Variants in MCUB observed in about 807,000 individuals in gnomAD.
MCUB encodes the protein mitochondrial calcium uniporter dominant negative subunit beta, also known as calcium uniporter regulatory subunit MCUb, mitochondrial.
Under a neutral mutation model 41.4 loss-of-function variants are expected in MCUB, and 46 were observed. That is an observed-to-expected ratio of 1.11 (90% CI 0.88 to 1.42). The LOEUF is 1.42. MCUB is among the 40% of genes most tolerant of loss of function. The pLI, the probability that MCUB is intolerant of heterozygous loss-of-function variation, is 0.00. For synonymous variants in MCUB, 148 were observed against 148.2 expected (o/e 1.00, Z 0.01); for missense variants, 403 against 404.9 (o/e 1.00, Z 0.04).
intron 1 of MCUB, among the ~76,000 whole-genome samples, chr4:109,649,143 C>G (rs1455446001): frequency 6.6e-6 from 1 of 151,798 alleles, no homozygotes; most frequent in Non-Finnish European, 1.5e-5. Context: ...GTTATAAATC[C>G]AACAACTTCT....
At chr4:109,675,156 C>T (rs1413389251) in intron 4 of MCUB, among the ~76,000 whole-genome samples, 1 of 152,144 alleles carries the variant, frequency 6.6e-6, no homozygotes, top group East Asian at 1.9e-4. Flanking sequence ...TAGGAAATGC[C>T]ACAGACAAAT....
At chr4:109,606,360 T>G (rs777176776) in intron 1 of MCUB, among the ~76,000 whole-genome samples, 14 of 152,166 alleles carry the variant, frequency 9.2e-5, no homozygotes, top group Admixed American at 2.0e-4. Flanking sequence ...AATGTTATTA[T>G]TGATAAGTAA....
intron 4 of MCUB, among the ~76,000 whole-genome samples, chr4:109,678,733 C>G (rs1349992599): frequency 1.4e-5 from 2 of 148,116 alleles, no homozygotes; most frequent in Non-Finnish European, 3.0e-5. Flanking sequence ...AGGCGCTCCC[C>G]ACATCCCAGA....
chr4:109,574,953 G>A (rs1726994488), intron 1 of MCUB, among the ~76,000 whole-genome samples: 1 of 152,208 alleles, frequency 6.6e-6, no homozygotes, highest in Non-Finnish European at 1.5e-5. Context: ...CTTAACAATT[G>A]CATGAGAAGT....
At chr4:109,643,004 A>G (rs551940825) in intron 1 of MCUB, among the ~76,000 whole-genome samples, 5 of 148,368 alleles carry the variant, frequency 3.4e-5, no homozygotes, top group African/African-American at 1.2e-4. Flanking sequence ...TGTGTTGGCC[A>G]GGCTTGTCTC....
At chr4:109,640,555 C>T (rs1728693173) in intron 1 of MCUB, among the ~76,000 whole-genome samples, 1 of 152,224 alleles carries the variant, frequency 6.6e-6, no homozygotes, top group South Asian at 2.1e-4. Context: ...TCACCTTGCA[C>T]TTTTATGTTA....
intron 2 of MCUB, 60 bp from the exon 3 acceptor site, chr4:109,660,135 T>C (rs1211702184): frequency 2.4e-6 from 2 of 827,398 alleles, no homozygotes; most frequent in Non-Finnish European, 1.9e-6. Flanking sequence ...AGAATTCTTG[T>C]ATTTATGGTT....
chr4:109,635,653 C>T (rs1728572986), intron 1 of MCUB, among the ~76,000 whole-genome samples: 1 of 152,180 alleles, frequency 6.6e-6, no homozygotes, highest in African/African-American at 2.4e-5. Context: ...TCTCTTTCGG[C>T]TTTGGAGCCT....
At chr4:109,660,963 C>T (rs889360786) in intron 3 of MCUB, among the ~76,000 whole-genome samples, 26 of 152,066 alleles carry the variant, frequency 1.7e-4, no homozygotes, top group Non-Finnish European at 3.1e-4. Context: ...CAGGCATTAG[C>T]GTGCAATTCT....
intron 1 of MCUB, among the ~76,000 whole-genome samples, chr4:109,638,226 G>C (rs920127965): frequency 1.3e-5 from 2 of 152,056 alleles, no homozygotes; most frequent in Non-Finnish European, 2.9e-5. Context: ...ACATGGTGGC[G>C]CATGCCTGTA....
chr4:109,627,990 T>C (rs879475591), intron 1 of MCUB, among the ~76,000 whole-genome samples: 1 of 151,506 alleles, frequency 6.6e-6, no homozygotes, highest in East Asian at 1.9e-4. Context: ...AGGGAACATA[T>C]AACATATAAG....
At chr4:109,584,522 C>G (rs944098543) in intron 1 of MCUB, among the ~76,000 whole-genome samples, 1 of 152,146 alleles carries the variant, frequency 6.6e-6, no homozygotes, top group African/African-American at 2.4e-5. Context: ...TCTTGCATCT[C>G]TAGTTATTTT....
intron 1 of MCUB, among the ~76,000 whole-genome samples, chr4:109,603,807 T>TG (rs1292562260): frequency 2.7e-5 from 4 of 146,244 alleles, no homozygotes; most frequent in African/African-American, 1.0e-4. Flanking sequence ...GTCTGGGAGG[T>TG]GGGGGGCACC....
chr4:109,630,773 GT>G (rs1213662298), intron 1 of MCUB, among the ~76,000 whole-genome samples: 5 of 152,094 alleles, frequency 3.3e-5, no homozygotes, highest in African/African-American at 1.2e-4. Flanking sequence ...TAGAGACGGA[GT>G]TTCTCCGTGT....
chr4:109,590,667 C>T (rs1390618843), intron 1 of MCUB, among the ~76,000 whole-genome samples: 1 of 152,172 alleles, frequency 6.6e-6, no homozygotes, highest in African/African-American at 2.4e-5. Context: ...AATGATAACG[C>T]TTCTGTTGCT....
chr4:109,562,676 G>A (rs534405843), intron 1 of MCUB, among the ~76,000 whole-genome samples: 1 of 152,268 alleles, frequency 6.6e-6, no homozygotes, highest in East Asian at 1.9e-4. Context: ...TTTGTGACCT[G>A]ACAGCTCATA....
chr4:109,570,034 C>T (rs186102869), intron 1 of MCUB, among the ~76,000 whole-genome samples: 13 of 152,280 alleles, frequency 8.5e-5, no homozygotes, highest in Admixed American at 5.9e-4. Context: ...CTCTCTTGGC[C>T]TGCCACTCAC....
At chr4:109,610,034 G>A (rs1727970234) in intron 1 of MCUB, among the ~76,000 whole-genome samples, 1 of 152,160 alleles carries the variant, frequency 6.6e-6, no homozygotes, top group Non-Finnish European at 1.5e-5. Flanking sequence ...AAGCAGAGGA[G>A]CCTCTCCCTG....
chr4:109,562,413 C>T (rs112116798), intron 1 of MCUB, among the ~76,000 whole-genome samples: 2,379 of 152,290 alleles, frequency 0.016, 34 homozygotes, highest in Non-Finnish European at 0.025. Context: ...ACAGCTTTTA[C>T]ATTTTACCAT....
Sources: gnomAD v4.1 joint callset for allele counts (sites outside exome capture counted in the v4.1 genomes callset) on GRCh38, gnomAD v4.1.1 for gene constraint, MANE v1.5 for transcripts, NCBI Gene and HGNC (gene_info 2026-07-23, HGNC 2026-07-21) for gene names.